Variants in TBC1D12 observed in about 807,000 individuals in gnomAD.
The protein encoded by TBC1D12 is TBC1 domain family, member 12.
Under a neutral mutation model 86.7 loss-of-function variants are expected in TBC1D12, and 56 were observed. That is an observed-to-expected ratio of 0.65 (90% CI 0.52 to 0.81). The LOEUF (loss-of-function observed/expected upper bound fraction) is 0.81, where lower values mean the gene tolerates loss of function less well. Ranked by LOEUF, TBC1D12 falls within the 30% of genes least tolerant of loss-of-function variation. TBC1D12 has a pLI of 0.00. For missense variants in TBC1D12, 1,023 were observed against 1,038.8 expected, an observed-to-expected ratio of 0.98 and a Z score of 0.21; for synonymous variants, 421 against 411.7, an observed-to-expected ratio of 1.02 and a Z score of -0.27.
chr10:94,497,915 C>T (rs557408389), intron 5 of TBC1D12, among the ~76,000 whole-genome samples: 14 of 151,214 alleles, frequency 9.3e-5, no homozygotes, highest in Admixed American at 2.0e-4. Flanking sequence ...CTCCGCCTCC[C>T]GGGTTCATGC....
intron 3 of TBC1D12, among the ~76,000 whole-genome samples, chr10:94,490,721 G>C (rs1289191349): frequency 6.6e-6 from 1 of 152,112 alleles, no homozygotes; most frequent in Non-Finnish European, 1.5e-5. Context: ...TGTTGGAGTG[G>C]TTCCAGAATA....
intron 6 of TBC1D12, among the ~76,000 whole-genome samples, chr10:94,504,500 T>A (rs7087798): frequency 6.6e-6 from 1 of 151,988 alleles, no homozygotes; most frequent in East Asian, 1.9e-4. Flanking sequence ...TTGGATTGAA[T>A]TACATTTATT....
At chr10:94,458,463 A>C (rs2055662408) in intron 2 of TBC1D12, among the ~76,000 whole-genome samples, 1 of 152,186 alleles carries the variant, frequency 6.6e-6, no homozygotes, top group Non-Finnish European at 1.5e-5. Flanking sequence ...AGACTAAGAA[A>C]ACTTTTTTTC....
intron 2 of TBC1D12, among the ~76,000 whole-genome samples, chr10:94,455,641 C>T (rs1045043701): frequency 1.3e-5 from 2 of 152,060 alleles, no homozygotes; most frequent in African/African-American, 2.4e-5. Flanking sequence ...TAGAATTGTT[C>T]GTAATAAGCC....
intron 1 of TBC1D12, among the ~76,000 whole-genome samples, chr10:94,429,203 G>A (rs1230680067): frequency 2.0e-5 from 3 of 151,880 alleles, no homozygotes. Flanking sequence ...TGACAGAGTG[G>A]GTGATGTTGA....
chr10:94,439,573 G>A (rs771885130), intron 1 of TBC1D12, among the ~76,000 whole-genome samples: 3 of 152,234 alleles, frequency 2.0e-5, no homozygotes, highest in Non-Finnish European at 2.9e-5. Context: ...TCTGGGCATC[G>A]AGCTAAGCAG....
intron 2 of TBC1D12, 60 bp downstream of exon 2, chr10:94,442,079 C>A: frequency 4.3e-5 from 56 of 1,317,038 alleles, no homozygotes; most frequent in African/African-American, 5.9e-5. Flanking sequence ...TCTTCTTCTT[C>A]TTCTTTTTTT....
chr10:94,492,005 A>G (rs551575992), intron 3 of TBC1D12, among the ~76,000 whole-genome samples: 1 of 152,354 alleles, frequency 6.6e-6, no homozygotes, highest in African/African-American at 2.4e-5. Context: ...AAAGAAATTT[A>G]TGCTAGTGTT....
At chr10:94,463,794 T>C (rs184767676) in intron 2 of TBC1D12, among the ~76,000 whole-genome samples, 343 of 152,362 alleles carry the variant, frequency 2.3e-3, no homozygotes, top group Non-Finnish European at 3.6e-3. Flanking sequence ...TCTGTAAATA[T>C]CAGTTTAGGT....
intron 2 of TBC1D12, among the ~76,000 whole-genome samples, chr10:94,468,038 T>C (rs2134134780): frequency 6.6e-6 from 1 of 152,280 alleles, no homozygotes; most frequent in East Asian, 1.9e-4. Context: ...ATCGAGAAAC[T>C]GCAACACTAG....
At chr10:94,442,260 T>C (rs1303153710) in intron 2 of TBC1D12, among the ~76,000 whole-genome samples, 1 of 152,154 alleles carries the variant, frequency 6.6e-6, no homozygotes, top group Admixed American at 6.5e-5. Flanking sequence ...GTAGACTTTT[T>C]TTTTTAACCA....
chr10:94,461,309 GT>G (rs1042685367), intron 2 of TBC1D12, among the ~76,000 whole-genome samples: 9 of 151,772 alleles, frequency 5.9e-5, no homozygotes, highest in East Asian at 1.9e-4. Context: ...TCTCAGTTTT[GT>G]TTTTTTTCCC....
rs1221059080 is a variant in TBC1D12, at chr10:94,403,510, C to T, written c.897C>T (p.Pro299=). The change falls in exon 1 of 13, where the codon CCC becomes CCT. Residue 299 remains proline (P), a synonymous_variant. Coordinates refer to ENST00000225235, the MANE Select transcript of TBC1D12 (RefSeq NM_015188.2). ...CGGCGGGGCCGCCGGTGCCCTTGCC[C>T]GCCGCGGAGCAGGGTCCTGCGGGGG... ...LPPAGPPVPL[P]AAEQGPAGAS... 1.3e-6 allele frequency: 2 copies of T among 1,559,518 alleles called. No homozygotes were observed. The highest frequency in any genetic ancestry group is 1.7e-6 in the Non-Finnish European group (2 of 1,155,730).
intron 1 of TBC1D12, among the ~76,000 whole-genome samples, chr10:94,416,852 AG>A (rs1481687189): frequency 6.6e-6 from 1 of 152,170 alleles, no homozygotes; most frequent in African/African-American, 2.4e-5. Flanking sequence ...GTGTGATGAC[AG>A]GACAAGTAAA....
chr10:94,462,788 T>C (rs2055749515), intron 2 of TBC1D12, among the ~76,000 whole-genome samples: 1 of 152,190 alleles, frequency 6.6e-6, no homozygotes, highest in Non-Finnish European at 1.5e-5. Flanking sequence ...TTGGCAATTT[T>C]TATCTTCTCT....
intron 1 of TBC1D12, among the ~76,000 whole-genome samples, chr10:94,437,696 G>A (rs2055322829): frequency 2.0e-5 from 3 of 152,010 alleles, no homozygotes; most frequent in African/African-American, 7.2e-5. Flanking sequence ...GGCCCCTCAG[G>A]CTCTGTTCCT....
intron 6 of TBC1D12, among the ~76,000 whole-genome samples, chr10:94,502,898 C>G (rs1043909469): frequency 6.6e-6 from 1 of 152,208 alleles, no homozygotes; most frequent in African/African-American, 2.4e-5. Context: ...TCCACCTGAA[C>G]TGCTATTCTT....
At chr10:94,523,102 A>G (rs1041749693) in intron 11 of TBC1D12, among the ~76,000 whole-genome samples, 2 of 144,500 alleles carry the variant, frequency 1.4e-5, no homozygotes, top group Non-Finnish European at 3.0e-5. Context: ...CTGCAGCAGG[A>G]CAATTGTTGG....
chr10:94,419,189 G>T (rs1052439224), intron 1 of TBC1D12, among the ~76,000 whole-genome samples: 13 of 152,018 alleles, frequency 8.6e-5, no homozygotes, highest in Non-Finnish European at 4.4e-5. Flanking sequence ...CCATTTTTTT[G>T]ATAGCAAACA....
Sources: allele counts gnomAD v4.1 joint callset (sites outside exome capture counted in the v4.1 genomes callset), GRCh38; gene constraint gnomAD v4.1.1; transcripts MANE v1.5; gene names NCBI Gene and HGNC (gene_info 2026-07-23, HGNC 2026-07-21).